Variants in HSD17B4 observed in about 807,000 individuals in gnomAD.
HSD17B4 encodes the protein hydroxysteroid 17-beta dehydrogenase 4.
Under a neutral mutation model 101.0 loss-of-function variants are expected in HSD17B4, and 70 were observed. That is an observed-to-expected ratio of 0.69 (90% CI 0.57 to 0.85). The LOEUF (loss-of-function observed/expected upper bound fraction) is 0.85, where lower values mean the gene tolerates loss of function less well. HSD17B4 is among the 40% of genes least tolerant of loss of function. The pLI is 0.00. For synonymous variants in HSD17B4, 347 were observed against 297.1 expected, an observed-to-expected ratio of 1.17 and a Z score of -1.73; for missense variants, 984 against 892.4, an observed-to-expected ratio of 1.10 and a Z score of -1.31.
At chr5:119,535,686 A>ATATT (rs540219441) in intron 22 of HSD17B4, 3 of 147,922 alleles carry the variant, frequency 2.0e-5, no homozygotes, top group African/African-American at 7.4e-5. Flanking sequence ...ATATATATAT[A>ATATT]TTTTTGGGGG....
At chr5:119,464,988 G>T (rs1436580549) in intron 2 of HSD17B4, among the ~76,000 whole-genome samples, 1 of 151,524 alleles carries the variant, frequency 6.6e-6, no homozygotes, top group East Asian at 1.9e-4. Flanking sequence ...GGTTATTTGG[G>T]ATCTTTTGTG....
At chr5:119,465,836 C>T (rs895446474) in intron 2 of HSD17B4, among the ~76,000 whole-genome samples, 40 of 152,094 alleles carry the variant, frequency 2.6e-4, no homozygotes, top group African/African-American at 7.7e-4. Flanking sequence ...GCCTAATTGT[C>T]CTGGCTAGTA....
At chr5:119,464,577 T>A (rs894847624) in intron 2 of HSD17B4, 2 of 152,138 alleles carry the variant, frequency 1.3e-5, no homozygotes, top group African/African-American at 4.8e-5. Flanking sequence ...ACCATTGCTG[T>A]TTGAGTAGCT....
chr5:119,532,708 G>A (rs987328809), intron 22 of HSD17B4, among the ~76,000 whole-genome samples: 1 of 152,014 alleles, frequency 6.6e-6, no homozygotes, highest in Admixed American at 6.6e-5. Context: ...TCTAAGCAAC[G>A]GTAAAAAATC....
chr5:119,497,128 G>A (rs536108454), intron 12 of HSD17B4, among the ~76,000 whole-genome samples: 180 of 152,260 alleles, frequency 1.2e-3, no homozygotes, highest in Middle Eastern at 3.4e-3. Context: ...TCTCCTGGTT[G>A]GAAACAGAGC....
Position 119,479,015 on chromosome 5 carries a change from C to T in HSD17B4, c.616C>T (p.Pro206Ser), listed in dbSNP as rs1275273236. The change falls in exon 8 of 24, where the codon CCT (proline) becomes TCT (serine). Residue 206 changes from proline (P) to serine (S), a missense_variant. Physicochemically the swap from Pro to Ser is moderately conservative, Grantham distance 74. Coordinates refer to ENST00000510025, the MANE Select transcript of HSD17B4 (RefSeq NM_000414.4). ...AGSRMTQTVM[P>S]EDLVEALKPE... is the part of the protein sequence containing the mutation. ...ATCACGGATGACTCAGACAGTTATG[C>T]CTGAAGGTAAGTAAGCAAGCTTATA... The T allele has an allele frequency of 6.2e-7, 1 of 1,610,096 alleles. No individual in the cohort carries two copies. The highest frequency in any genetic ancestry group is 1.3e-5 in the African/African-American group (1 of 74,876).
chr5:119,508,797 T>C (rs183518958), intron 15 of HSD17B4, among the ~76,000 whole-genome samples: 13 of 152,336 alleles, frequency 8.5e-5, no homozygotes, highest in African/African-American at 3.1e-4. Flanking sequence ...AGTTCGAGTG[T>C]GGTTACCTGT....
At chr5:119,490,236 T>C (rs1241183134) in intron 9 of HSD17B4, among the ~76,000 whole-genome samples, 2 of 152,168 alleles carry the variant, frequency 1.3e-5, no homozygotes, top group Non-Finnish European at 2.9e-5. Context: ...TGGGTGTGAA[T>C]TGTGGCATAG....
intron 2 of HSD17B4, among the ~76,000 whole-genome samples, chr5:119,466,217 G>T (rs538296835): frequency 6.6e-6 from 1 of 152,058 alleles, no homozygotes; most frequent in Non-Finnish European, 1.5e-5. Flanking sequence ...ATTTTGTTTA[G>T]GATTTTTGTG....
At chr5:119,499,056 A>T (rs1299569392) in intron 12 of HSD17B4, among the ~76,000 whole-genome samples, 1 of 152,182 alleles carries the variant, frequency 6.6e-6, no homozygotes, top group Non-Finnish European at 1.5e-5. Flanking sequence ...TGAATTAGAG[A>T]CAGGAAAGTT....
At chr5:119,485,780 C>T (rs189821349) in intron 8 of HSD17B4, among the ~76,000 whole-genome samples, 2 of 151,928 alleles carry the variant, frequency 1.3e-5, no homozygotes, top group African/African-American at 4.8e-5. Flanking sequence ...AAAATAAAAC[C>T]CTATAATGAG....
rs1016899697 is a variant in HSD17B4, at chr5:119,456,432, A to T, written c.112+64A>T. On this transcript the variant is annotated intron_variant, in intron 2 of 23. Coordinates refer to ENST00000510025, the MANE Select transcript of HSD17B4 (RefSeq NM_000414.4). ...AACTGAAATACAATCTTTACAAGCT[A>T]TCTTTGTCTTTCTATCAAATAATTT... is the stretch of plus-strand genomic sequence containing the variant. 1.2e-5 allele frequency: 12 copies of T among 987,848 alleles called. No homozygotes were observed. The African/African-American group carries it at 1.6e-4, about 13-fold the overall frequency. 61.2% of individuals were successfully genotyped at this position (987,848 alleles called of 1,614,324 possible).
At chr5:119,490,168 AAC>A (rs1314931638) in intron 9 of HSD17B4, among the ~76,000 whole-genome samples, 1 of 152,178 alleles carries the variant, frequency 6.6e-6, no homozygotes. Flanking sequence ...AGACAAAAAA[AAC>A]AGTTTGCATA....
At chr5:119,462,547 A>G (rs1460134782) in intron 2 of HSD17B4, among the ~76,000 whole-genome samples, 1 of 152,084 alleles carries the variant, frequency 6.6e-6, no homozygotes, top group Non-Finnish European at 1.5e-5. Flanking sequence ...TGTGAAGTAC[A>G]CACATATCAG....
intron 22 of HSD17B4, among the ~76,000 whole-genome samples, chr5:119,531,607 G>A (rs558818396): frequency 6.6e-6 from 1 of 151,666 alleles, no homozygotes; most frequent in East Asian, 1.9e-4. Context: ...TTGTGTGTGT[G>A]TGTAAGAGAT....
chr5:119,498,858 C>T (rs1441191727), intron 12 of HSD17B4, among the ~76,000 whole-genome samples: 2 of 152,094 alleles, frequency 1.3e-5, no homozygotes, highest in South Asian at 2.1e-4. Flanking sequence ...CCAGCTTGGG[C>T]GAGAGAGCGA....
chr5:119,458,847 T>A (rs1255602611), intron 2 of HSD17B4, among the ~76,000 whole-genome samples: 1 of 152,184 alleles, frequency 6.6e-6, no homozygotes, highest in Non-Finnish European at 1.5e-5. Flanking sequence ...ATTTCTTAAG[T>A]AGGTTATTGG....
At chr5:119,468,143 G>GT (rs1332642430) in intron 2 of HSD17B4, among the ~76,000 whole-genome samples, 2 of 151,832 alleles carry the variant, frequency 1.3e-5, no homozygotes, top group Non-Finnish European at 2.9e-5. Context: ...CAGTTTGGTG[G>GT]TTTTTTTGTA....
In HSD17B4 at chr5:119,529,879, T is replaced by C. The variant is rs753854076; in HGVS notation, c.1768-15T>C. The C allele has an allele frequency of 4.7e-6, 7 of 1,478,604 alleles. No individual in the cohort carries two copies. The highest frequency in any genetic ancestry group is 1.1e-5 in the South Asian group (1 of 88,460). 91.6% of individuals were successfully genotyped at this position (1,478,604 alleles called of 1,614,324 possible). On this transcript the variant is annotated splice_polypyrimidine_tract_variant and intron_variant, in intron 20 of 23. Coordinates refer to ENST00000510025, the MANE Select transcript of HSD17B4 (RefSeq NM_000414.4). The stretch of plus-strand genomic sequence containing the variant: ...GTAATCAGAATAAATCTTTTTTTTT[T>C]CTTCTCCTCCTAAGGTCCAAGAAAC...
Sources: gnomAD v4.1 joint callset for allele counts (sites outside exome capture counted in the v4.1 genomes callset) on GRCh38, gnomAD v4.1.1 for gene constraint, MANE v1.5 for transcripts, NCBI Gene and HGNC (gene_info 2026-07-23, HGNC 2026-07-21) for gene names.